DMKN: variants seen among roughly 807,000 people sequenced by gnomAD.
DMKN encodes epidermis-specific secreted protein SK30/SK89.
A neutral mutation model predicts 67.6 loss-of-function variants in DMKN; 58 were observed. The observed-to-expected ratio is 0.86, with a 90% confidence interval of 0.69 to 1.07. The LOEUF is 1.07. DMKN is among the 50% of genes least tolerant of loss of function. The pLI, the probability that DMKN is intolerant of heterozygous loss-of-function variation, is 0.00. For synonymous variants in DMKN, 240 were observed against 232.3 expected, an observed-to-expected ratio of 1.03 and a Z score of -0.30; for missense variants, 596 against 601.5, an observed-to-expected ratio of 0.99 and a Z score of 0.10.
intron 11 of DMKN, among the ~76,000 whole-genome samples, chr19:35,501,106 G>A (rs568783069): frequency 5.3e-5 from 8 of 152,090 alleles, no homozygotes; most frequent in Non-Finnish European, 1.2e-4. Flanking sequence ...CACTGCAGAT[G>A]CACCGGACAC....
chr19:35,508,238 G>A (rs1316500938), intron 7 of DMKN: 2 of 1,552,066 alleles, frequency 1.3e-6, no homozygotes, highest in Admixed American at 3.9e-5. Flanking sequence ...GTCCTCTGAA[G>A]CCCTGCAGGG....
intron 13 of DMKN, 148 bp from the exon 14 acceptor site, chr19:35,499,045 G>A (rs1452324270): frequency 5.3e-6 from 6 of 1,131,896 alleles, no homozygotes; most frequent in Non-Finnish European, 7.6e-6. Context: ...GGACATTCAG[G>A]CTGTGGAGTT....
chr19:35,508,449 A>C, intron 7 of DMKN: 1 of 545,694 alleles, frequency 1.8e-6, no homozygotes. Context: ...AGTGAAGATA[A>C]GAGGTAGATA....
intron 5 of DMKN, chr19:35,510,456 T>C: frequency 6.4e-7 from 1 of 1,552,018 alleles, no homozygotes; most frequent in Non-Finnish European, 8.7e-7. Flanking sequence ...CCGAGGGTAT[T>C]CGGAACTACG....
At chr19:35,512,868 G>C in intron 1 of DMKN, 78 bp from the exon 2 acceptor site, 1 of 1,538,564 alleles carries the variant, frequency 6.5e-7, no homozygotes, top group Non-Finnish European at 8.7e-7. Flanking sequence ...ATCATAAAGA[G>C]ACCAGGAGAG....
Position 35,513,521 on chromosome 19 carries a change from G to T in DMKN, c.-46C>A. ...CTCCAGAGTGTCTTCCTCCCACCAG[G>T]GTCTCCTCCTTGCCGCCCTTGCTCT... On this transcript the variant is annotated 5_prime_UTR_variant, in exon 1 of 16. Coordinates refer to ENST00000339686, the MANE Select transcript of DMKN (RefSeq NM_033317.5). 1 of 1,555,812 alleles carries T rather than the reference G, an allele frequency of 6.4e-7. No individual in the cohort carries two copies. The highest frequency in any genetic ancestry group is 1.2e-5 in the South Asian group (1 of 83,772).
chr19:35,509,780 C>T (rs1235350140), intron 7 of DMKN, 131 bp downstream of exon 7: 11 of 1,100,792 alleles, frequency 1.0e-5, no homozygotes, highest in Non-Finnish European at 1.3e-5. Flanking sequence ...CATTTGGTTT[C>T]TTCTGCCGAA....
intron 9 of DMKN, among the ~76,000 whole-genome samples, chr19:35,503,955 A>T (rs536480889): frequency 6.6e-6 from 1 of 152,198 alleles, no homozygotes; most frequent in East Asian, 1.9e-4. Flanking sequence ...CGTCAGGAAC[A>T]TTACACTGCG....
intron 10 of DMKN, 99 bp from the exon 11 acceptor site, chr19:35,502,282 G>T: frequency 8.2e-7 from 1 of 1,224,554 alleles, no homozygotes; most frequent in Non-Finnish European, 1.2e-6. Flanking sequence ...GTAGGAAGGA[G>T]CTTTTGGGTG....
In DMKN at chr19:35,498,885, G is replaced by A. The variant is rs1939646150; in HGVS notation, c.1372C>T (p.Pro458Ser). Residue 458 changes from proline to serine, a missense_variant, in exon 14 of 16, where the codon CCT becomes TCT. Coordinates refer to ENST00000339686, the MANE Select transcript of DMKN (RefSeq NM_033317.5). ...VKTPAKGGVS[P>S]SSSASRVQPG... ...GCCCCCATACTCACCGAGGAAGAAG[G>A]TGAGACTCCCCCCTGCAAAAAGATC... 2 of 1,614,010 alleles carry A rather than the reference G, an allele frequency of 1.2e-6. No homozygotes were observed. Among genetic ancestry groups the A allele is most frequent in the Non-Finnish European group, 1.7e-6 (2 of 1,180,030 alleles).
intron 9 of DMKN, chr19:35,503,474 GTTTTTT>G: frequency 4.1e-6 from 6 of 1,451,968 alleles, no homozygotes; most frequent in Non-Finnish European, 5.5e-6. Flanking sequence ...GTTTTTTTTT[GTTTTTT>G]TTTTTTTTTT....
At chr19:35,511,846 C>T (rs200290544) in intron 3 of DMKN, 33 bp from the exon 4 acceptor site, 47 of 1,601,148 alleles carry the variant, frequency 2.9e-5, no homozygotes, top group South Asian at 1.2e-4. Flanking sequence ...AGTTTGGGGA[C>T]GGTGAGTTTG....
Position 35,510,214 on chromosome 19 carries a change from C to A in DMKN, c.957G>T (p.Gly319=). 1.9e-6 allele frequency: 3 copies of A among 1,609,430 alleles called. No homozygotes were observed. Among genetic ancestry groups the A allele is most frequent in the Non-Finnish European group, 2.5e-6 (3 of 1,178,140 alleles). Reference sequence around the variant, plus strand: ...GTTTATGTCCATTTCCTCCGCCGCTCCCACCGTGGTTGCCGGAGGAGGAGC... The same window carrying A: ...GTTTATGTCCATTTCCTCCGCCGCTACCACCGTGGTTGCCGGAGGAGGAGC... ...STGSSSGNHG[G]SGGGNGHKPG... is the part of the protein sequence containing the mutation. Residue 319 remains glycine, a synonymous_variant, in exon 6 of 16, where the codon GGG becomes GGT. Coordinates refer to ENST00000339686, the MANE Select transcript of DMKN (RefSeq NM_033317.5).
In DMKN at chr19:35,503,287, G is replaced by A. The variant is rs571603865; in HGVS notation, c.1135-401C>T. On this transcript the variant is annotated intron_variant, in intron 9 of 15. Coordinates refer to ENST00000339686, the MANE Select transcript of DMKN (RefSeq NM_033317.5). ...TGGATAACAGCGGAGACGTAAGAAAGGAGCAGAGGCCAGGAGTGTGGGGCA... is the reference window on the plus strand; with the variant it reads ...TGGATAACAGCGGAGACGTAAGAAAAGAGCAGAGGCCAGGAGTGTGGGGCA... 460 of 1,501,810 alleles carry A rather than the reference G, an allele frequency of 3.1e-4. 1 individual carries two copies. Among genetic ancestry groups the A allele is most frequent in the Non-Finnish European group, 3.7e-4 (415 of 1,125,732 alleles). The allele number at this position is 1,501,810 out of a possible 1,614,324, so 93.0% of individuals were successfully genotyped here.
At position 35,502,943 on chromosome 19, in the gene DMKN, C is replaced by T. The variant is rs537272766; in HGVS notation, c.1135-57G>A. The T allele has an allele frequency of 1.4e-4, 211 of 1,547,128 alleles. 1 individual carries two copies. The highest frequency in any genetic ancestry group is 7.4e-4 in the Admixed American group (41 of 55,626). ...GAGAGCCTGGGCCCACTCACCCACC[C>T]CTCCTCCTGCTACTGCCCTATCTCA... On this transcript the variant is annotated intron_variant, in intron 9 of 15. Transcript: ENST00000339686.
chr19:35,509,662 G>GT (rs1214017497), intron 7 of DMKN: 2 of 488,790 alleles, frequency 4.1e-6, no homozygotes, highest in African/African-American at 3.9e-5. Context: ...AAAAGGACCG[G>GT]TTTACATGGA....
At position 35,511,508 on chromosome 19, in the gene DMKN, CTG is replaced by C. The variant is rs2070803219; in HGVS notation, c.819_820del (p.Ser273ArgfsTer26). 10 of 1,108,442 alleles carry C rather than the reference CTG, an allele frequency of 9.0e-6. No homozygotes were observed. Among genetic ancestry groups the C allele is most frequent in the Middle Eastern group, 3.2e-4 (1 of 3,158 alleles). The allele number at this position is 1,108,442 out of a possible 1,614,324, so 68.7% of individuals were successfully genotyped here. On this transcript the variant is annotated frameshift_variant, in exon 5 of 16. Coordinates refer to ENST00000339686, the MANE Select transcript of DMKN (RefSeq NM_033317.5). LOFTEE classifies it high-confidence loss of function. Reference sequence around the variant, plus strand: ...ACTGCTGCCGCCACTGCTGCTGCCACTGCTGCTGCCACCACTGCTGCTGCCAT... The same window carrying C: ...ACTGCTGCCGCCACTGCTGCTGCCACCTGCTGCCACCACTGCTGCTGCCAT...
intron 1 of DMKN, 60 bp downstream of exon 1, chr19:35,512,990 G>T: frequency 6.3e-7 from 1 of 1,595,796 alleles, no homozygotes; most frequent in Non-Finnish European, 8.5e-7. Flanking sequence ...CGTTTCCCAA[G>T]AATCTCAGCC....
chr19:35,504,654 T>C (rs933710396), intron 9 of DMKN, among the ~76,000 whole-genome samples: 2 of 152,004 alleles, frequency 1.3e-5, no homozygotes, highest in African/African-American at 4.8e-5. Flanking sequence ...GAATCCACTG[T>C]AGCTGGGTGG....
Sources: gnomAD v4.1 joint callset for allele counts (sites outside exome capture counted in the v4.1 genomes callset) on GRCh38, gnomAD v4.1.1 for gene constraint, MANE v1.5 for transcripts, NCBI Gene and HGNC (gene_info 2026-07-23, HGNC 2026-07-21) for gene names.